TUSC3: variants seen among roughly 807,000 people sequenced by gnomAD.
TUSC3 encodes the protein dolichyl-diphosphooligosaccharide--protein glycosyltransferase subunit TUSC3.
A neutral mutation model predicts 44.8 loss-of-function variants in TUSC3; 45 were observed. That is an observed-to-expected ratio of 1.00 (90% CI 0.79 to 1.29). The LOEUF (loss-of-function observed/expected upper bound fraction) is 1.29. TUSC3 is among the 50% of genes most tolerant of loss of function. The pLI is 0.00. For synonymous variants in TUSC3, 212 were observed against 152.9 expected (o/e 1.39, Z -2.85); for missense variants, 519 against 437.9 (o/e 1.19, Z -1.65).
intron 6 of TUSC3, among the ~76,000 whole-genome samples, chr8:15,707,851 G>A (rs1425578166): frequency 4.0e-5 from 6 of 151,810 alleles, no homozygotes; most frequent in African/African-American, 7.3e-5. Context: ...AAAGATTAGC[G>A]GGGTTGGTTT....
intron 1 of TUSC3, among the ~76,000 whole-genome samples, chr8:15,596,640 G>A (rs549366840): frequency 2.6e-5 from 4 of 151,988 alleles, no homozygotes; most frequent in Non-Finnish European, 4.4e-5. Context: ...TAATGTCTTC[G>A]TATATTAATT....
chr8:15,625,420 C>G lies in TUSC3; in HGVS notation c.308+2171C>G, dbSNP rs147952079. Among the ~76,000 whole-genome samples the G allele has an allele frequency of 8.5e-5, 13 of 152,246 alleles. No individual in the cohort carries two copies. The East Asian group carries it at 2.3e-3, about 27-fold the overall frequency. ...AAATATTGTATAAAATTAGTGTTAA[C>G]TCTTCTTTAAGTGTTTGGTAGCATT... On this transcript the variant is annotated intron_variant, in intron 2 of 10. Transcript: ENST00000503731.
At position 15,577,318 on chromosome 8, in the gene TUSC3, G is replaced by T. The variant is rs1414661195; in HGVS notation, c.138+36750G>T. Among the ~76,000 whole-genome samples the T allele has an allele frequency of 2.3e-3, 355 of 151,748 alleles. 4 individuals are homozygous for T. Among genetic ancestry groups the T allele is most frequent in the Non-Finnish European group, 3.6e-3 (242 of 67,786 alleles). ...CTGTGCAGAAGCTCTTGAGTTTAAT[G>T]AGATCCCATTTGTCAATTTTGGCTT... On this transcript the variant is annotated intron_variant, in intron 1 of 10. Transcript: ENST00000503731.
At chr8:15,530,555 A>T (rs59524122) in intron 2 of TUSC3, among the ~76,000 whole-genome samples, 1 of 152,168 alleles carries the variant, frequency 6.6e-6, no homozygotes, top group African/African-American at 2.4e-5. Context: ...ACAGCTAGTA[A>T]GAGACAGAGC....
chr8:15,680,563 A>G lies in TUSC3; in HGVS notation c.798+6727A>G, dbSNP rs79344158. 5.3e-3 allele frequency among the ~76,000 whole-genome samples: 805 copies of G among 152,198 alleles called. 8 individuals carry two copies. Among genetic ancestry groups the G allele is most frequent in the African/African-American group, 0.018 (766 of 41,550 alleles). On this transcript the variant is annotated intron_variant, in intron 6 of 10. Coordinates refer to ENST00000503731, the MANE Select transcript of TUSC3 (RefSeq NM_006765.4). ...AGATACTTTGACTTATTCTTTTCCT[A>G]TTTGGATGTCTTCTGTTTCTTTTTC...
intron 1 of TUSC3, among the ~76,000 whole-genome samples, chr8:15,454,411 C>G (rs974726284): frequency 6.6e-6 from 1 of 152,166 alleles, no homozygotes; most frequent in Non-Finnish European, 1.5e-5. Flanking sequence ...TTTGCTGCCA[C>G]CAACATTCTC....
chr8:15,655,865 C>T (rs1423454320), intron 3 of TUSC3, among the ~76,000 whole-genome samples: 1 of 152,000 alleles, frequency 6.6e-6, no homozygotes, highest in African/African-American at 2.4e-5. Context: ...CCCCAAACCA[C>T]CTTATTTTTG....
intron 1 of TUSC3, among the ~76,000 whole-genome samples, chr8:15,461,678 G>C (rs1800347503): frequency 6.6e-6 from 1 of 151,420 alleles, no homozygotes; most frequent in South Asian, 2.1e-4. Flanking sequence ...GTTTGTCATA[G>C]ATGGCTTTTA....
At chr8:15,756,152 G>A (rs535088858) in intron 9 of TUSC3, among the ~76,000 whole-genome samples, 1 of 152,280 alleles carries the variant, frequency 6.6e-6, no homozygotes, top group South Asian at 2.1e-4. Context: ...ATTAGCTAGA[G>A]CTCTAGCTCT....
At chr8:15,505,191 C>A (rs1184323678) in intron 2 of TUSC3, among the ~76,000 whole-genome samples, 1 of 152,120 alleles carries the variant, frequency 6.6e-6, no homozygotes, top group Non-Finnish European at 1.5e-5. Flanking sequence ...ACAGATGACT[C>A]AGGTTATTTG....
chr8:15,428,757 A>G (rs1423197522), intron 1 of TUSC3, among the ~76,000 whole-genome samples: 3 of 152,178 alleles, frequency 2.0e-5, no homozygotes, highest in Non-Finnish European at 4.4e-5. Context: ...TTTTGGCTGC[A>G]TAAATGTCGT....
chr8:15,749,412 C>T (rs767570015), intron 9 of TUSC3, among the ~76,000 whole-genome samples: 5 of 152,016 alleles, frequency 3.3e-5, no homozygotes, highest in Admixed American at 3.3e-4. Context: ...GATTATAATA[C>T]AAGAATAAGA....
chr8:15,554,254 T>G (rs1802159737), intron 1 of TUSC3, among the ~76,000 whole-genome samples: 1 of 151,806 alleles, frequency 6.6e-6, no homozygotes, highest in Non-Finnish European at 1.5e-5. Context: ...CAGGTAGGAT[T>G]TAACTTTCCT....
At position 15,468,966 on chromosome 8, in the gene TUSC3, A is replaced by G. The variant is rs1418870976; in HGVS notation, n.92-14420A>G. Among the ~76,000 whole-genome samples, 5 of 151,040 alleles carry G rather than the reference A, an allele frequency of 3.3e-5. No individual in the cohort carries two copies. In the East Asian group the frequency reaches 7.8e-4, roughly 23 times the overall value. The stretch of plus-strand genomic sequence containing the variant: ...TTAAAAATAATGAGGGAGGCAGATG[A>G]AGAGAAGATTTGACCCTGAAGAGAA... On this transcript the variant is annotated intron_variant and non_coding_transcript_variant, in intron 1 of 5. Coordinates refer to the TUSC3 transcript ENST00000503191.
the TUSC3 span, among the ~76,000 whole-genome samples, chr8:15,787,843 G>A: frequency 1.3e-5 from 2 of 152,162 alleles, no homozygotes; most frequent in African/African-American, 4.8e-5. Context: ...GAATTAACAT[G>A]TGCCAGGTTG....
chr8:15,613,229 A>G (rs1172655587), intron 1 of TUSC3, among the ~76,000 whole-genome samples: 1 of 136,540 alleles, frequency 7.3e-6, no homozygotes, highest in Non-Finnish European at 1.6e-5. Context: ...CATGTCTTAC[A>G]GTGCTTTTTT....
chr8:15,805,558 A>G, the TUSC3 span, among the ~76,000 whole-genome samples: 1 of 152,256 alleles, frequency 6.6e-6, no homozygotes. Context: ...GATTTTATTA[A>G]GAGCCTTTTC....
At chr8:15,506,210 T>C (rs781342705) in intron 2 of TUSC3, among the ~76,000 whole-genome samples, 3 of 152,198 alleles carry the variant, frequency 2.0e-5, no homozygotes, top group Non-Finnish European at 4.4e-5. Context: ...AAGCAGCCTC[T>C]GAAGCAAAAG....
chr8:15,798,556 T>G, the TUSC3 span, among the ~76,000 whole-genome samples: 11 of 152,184 alleles, frequency 7.2e-5, no homozygotes, highest in African/African-American at 2.6e-4. Flanking sequence ...CGACTTCACA[T>G]TTACCTTCAG....
Sources: gnomAD v4.1 joint callset for allele counts (sites outside exome capture counted in the v4.1 genomes callset) on GRCh38, gnomAD v4.1.1 for gene constraint, MANE v1.5 for transcripts, NCBI Gene and HGNC (gene_info 2026-07-23, HGNC 2026-07-21) for gene names.